The following PEPD variants were observed in gnomAD, a reference collection of about 807,000 sequenced individuals.
The protein encoded by PEPD is xaa-Pro dipeptidase.
A neutral mutation model predicts 60.7 loss-of-function variants in PEPD; 53 were observed. The observed-to-expected ratio is 0.87, with a 90% CI of 0.70 to 1.10. The LOEUF is 1.10. Among genes scored for constraint, PEPD ranks in the 50% least tolerant of loss-of-function variants. The probability of loss-of-function intolerance (pLI) is 0.00; values close to 1 mark genes in which losing one functional copy is unlikely to be tolerated. For synonymous variants in PEPD, 267 were observed against 284.1 expected (o/e 0.94, Z 0.60); for missense variants, 711 against 711.9 (o/e 1.00, Z 0.01).
chr19:33,482,587 G>C (rs940344463), intron 6 of PEPD, among the ~76,000 whole-genome samples: 11 of 152,172 alleles, frequency 7.2e-5, no homozygotes, highest in Non-Finnish European at 1.2e-4. Context: ...TGTACTGGAG[G>C]TTCTAGCCAA....
intron 4 of PEPD, among the ~76,000 whole-genome samples, chr19:33,499,804 G>A (rs1448855866): frequency 6.6e-6 from 1 of 152,214 alleles, no homozygotes; most frequent in Non-Finnish European, 1.5e-5. Flanking sequence ...CATGGTACTG[G>A]CCCACCTGCA....
At chr19:33,408,954 A>G (rs1007043239) in intron 11 of PEPD, among the ~76,000 whole-genome samples, 2 of 152,262 alleles carry the variant, frequency 1.3e-5, no homozygotes, top group Admixed American at 6.5e-5. Context: ...ATTGACTACA[A>G]TAAACTCATA....
In PEPD at chr19:33,518,005, C is replaced by T. The variant is rs539439361; in HGVS notation, c.17+3739G>A. 3.3e-5 allele frequency among the ~76,000 whole-genome samples: 5 copies of T among 152,114 alleles called. No homozygotes were observed. In the South Asian group the frequency reaches 6.2e-4, roughly 19 times the overall value. On this transcript the variant is annotated intron_variant, in intron 1 of 14. Transcript: ENST00000244137. Reference sequence around the variant, plus strand: ...GAGCCACTTCTAGACAGGGTCACACCGCTAAGTTCCCAGTAGGAGAGGCCA... The same window carrying T: ...GAGCCACTTCTAGACAGGGTCACACTGCTAAGTTCCCAGTAGGAGAGGCCA...
At chr19:33,406,243 A>G (rs3786900) in intron 11 of PEPD, among the ~76,000 whole-genome samples, 41,483 of 152,110 alleles carry the variant, frequency 0.27, 6,153 homozygotes, top group African/African-American at 0.36. Flanking sequence ...GGATGTCTGG[A>G]CAAGTGCTGT....
chr19:33,401,987 C>T, intron 11 of PEPD, 118 bp from the exon 12 acceptor site: 1 of 922,770 alleles, frequency 1.1e-6, no homozygotes, highest in Non-Finnish European at 1.7e-6. Context: ...GATGCAACTC[C>T]CCCTCACAAT....
At chr19:33,396,882 C>G (rs1332269516) in intron 12 of PEPD, among the ~76,000 whole-genome samples, 4 of 152,156 alleles carry the variant, frequency 2.6e-5, no homozygotes, top group African/African-American at 9.7e-5. Context: ...CTTCTAGGAA[C>G]AGCCTTCCTG....
intron 9 of PEPD, among the ~76,000 whole-genome samples, chr19:33,453,612 T>C (rs932974250): frequency 1.1e-4 from 17 of 152,222 alleles, no homozygotes; most frequent in African/African-American, 4.1e-4. Flanking sequence ...ATTGCACTCT[T>C]AAGAGACTAC....
intron 12 of PEPD, among the ~76,000 whole-genome samples, chr19:33,392,928 T>A (rs1968260503): frequency 6.6e-6 from 1 of 152,120 alleles, no homozygotes; most frequent in Non-Finnish European, 1.5e-5. Context: ...GTGCCAGAGT[T>A]GGCCACTGTG....
At chr19:33,469,253 C>A (rs1970077431) in intron 7 of PEPD, among the ~76,000 whole-genome samples, 1 of 152,184 alleles carries the variant, frequency 6.6e-6, no homozygotes, top group South Asian at 2.1e-4. Flanking sequence ...GCCCACCCAT[C>A]CCCACAGGCT....
At chr19:33,477,475 G>A (rs951875945) in intron 7 of PEPD, among the ~76,000 whole-genome samples, 1 of 152,224 alleles carries the variant, frequency 6.6e-6, no homozygotes, top group Non-Finnish European at 1.5e-5. Context: ...AGAGCAATGC[G>A]ATGGCTTAGG....
intron 12 of PEPD, among the ~76,000 whole-genome samples, chr19:33,394,429 C>T (rs1212826509): frequency 6.6e-6 from 1 of 152,232 alleles, no homozygotes; most frequent in Non-Finnish European, 1.5e-5. Flanking sequence ...GCTGGTCTTC[C>T]TTGCCTGTGC....
At chr19:33,473,606 C>T (rs979071743) in intron 7 of PEPD, among the ~76,000 whole-genome samples, 2 of 152,202 alleles carry the variant, frequency 1.3e-5, no homozygotes, top group African/African-American at 4.8e-5. Flanking sequence ...CTGACGCTTC[C>T]AGAGGTACTT....
intron 4 of PEPD, among the ~76,000 whole-genome samples, chr19:33,498,955 C>A (rs1294972425): frequency 6.6e-6 from 1 of 152,276 alleles, no homozygotes; most frequent in South Asian, 2.1e-4. Context: ...TCGAAGAGAC[C>A]TGAAGGGTCA....
rs73594055 is a variant in PEPD, at chr19:33,505,612, G to A, written c.330-4611C>T. On this transcript the variant is annotated intron_variant, in intron 3 of 14. Coordinates refer to ENST00000244137, the MANE Select transcript of PEPD (RefSeq NM_000285.4). ...GCACCAGAGAGGCTGGGGAAGCCTC[G>A]ATCCTGGGGACACTTAGTGGGGCAG... 7.1e-3 allele frequency among the ~76,000 whole-genome samples: 1,080 copies of A among 151,894 alleles called. 9 individuals are homozygous for A. The highest frequency in any genetic ancestry group is 0.02 in the South Asian group (96 of 4,814).
chr19:33,446,571 C>T (rs113959576), intron 9 of PEPD, among the ~76,000 whole-genome samples: 4,492 of 152,304 alleles, frequency 0.029, 134 homozygotes, highest in African/African-American at 0.067. Context: ...ACAGGGTGGC[C>T]GAGAGCCCCA....
chr19:33,510,272 G>A (rs1308904395), intron 3 of PEPD, among the ~76,000 whole-genome samples: 1 of 152,322 alleles, frequency 6.6e-6, no homozygotes, highest in East Asian at 1.9e-4. Flanking sequence ...GGACACACGT[G>A]GAGTGGTTTT....
intron 9 of PEPD, among the ~76,000 whole-genome samples, chr19:33,418,583 C>T (rs988030720): frequency 1.3e-5 from 2 of 152,244 alleles, no homozygotes; most frequent in Non-Finnish European, 2.9e-5. Flanking sequence ...CAGGCGAAGG[C>T]GCCCAAGCCC....
At chr19:33,452,659 A>G (rs1447928106) in intron 9 of PEPD, among the ~76,000 whole-genome samples, 2 of 152,214 alleles carry the variant, frequency 1.3e-5, no homozygotes, top group African/African-American at 4.8e-5. Context: ...ATATATGAGA[A>G]TAAAATTGGT....
At chr19:33,396,536 T>G (rs537935383) in intron 12 of PEPD, among the ~76,000 whole-genome samples, 68 of 152,288 alleles carry the variant, frequency 4.5e-4, no homozygotes, top group Admixed American at 7.8e-4. Flanking sequence ...GCCAGGACCC[T>G]GAGGGCAGGG....
Sources: gnomAD v4.1 joint callset for allele counts (sites outside exome capture counted in the v4.1 genomes callset) on GRCh38, gnomAD v4.1.1 for gene constraint, MANE v1.5 for transcripts, NCBI Gene and HGNC (gene_info 2026-07-23, HGNC 2026-07-21) for gene names.